BTBD9: variants seen among roughly 807,000 people sequenced by gnomAD.
BTBD9 encodes the protein BTB domain containing 9.
Under a neutral mutation model 64.3 loss-of-function variants are expected in BTBD9, and 49 were observed. The observed-to-expected ratio is 0.76, with a 90% CI of 0.61 to 0.97. BTBD9 has a LOEUF of 0.97. Among genes scored for constraint, BTBD9 ranks in the 50% least tolerant of loss-of-function variants. BTBD9 has a pLI of 0.00. For missense variants in BTBD9, 598 were observed against 762.1 expected (o/e 0.78, Z 2.53); for synonymous variants, 260 against 274.7 (o/e 0.95, Z 0.53).
At chr6:38,425,114 C>T (rs985045459) in intron 6 of BTBD9, among the ~76,000 whole-genome samples, 1 of 107,686 alleles carries the variant, frequency 9.3e-6, no homozygotes, top group Non-Finnish European at 2.0e-5. Context: ...CCGTGCCCGG[C>T]CTTTTTTTTT....
At chr6:38,545,824 C>G (rs867943106) in intron 6 of BTBD9, among the ~76,000 whole-genome samples, 8 of 141,596 alleles carry the variant, frequency 5.6e-5, no homozygotes, top group Admixed American at 4.3e-4. Flanking sequence ...GTGACTAATG[C>G]TTTAATATTT....
At chr6:38,458,784 T>C (rs1358142916) in intron 6 of BTBD9, among the ~76,000 whole-genome samples, 3 of 152,194 alleles carry the variant, frequency 2.0e-5, no homozygotes, top group African/African-American at 7.2e-5. Context: ...AAGTACCACT[T>C]ATATGAATAA....
At chr6:38,389,136 TA>T (rs2127620882) in intron 6 of BTBD9, among the ~76,000 whole-genome samples, 1 of 152,340 alleles carries the variant, frequency 6.6e-6, no homozygotes, top group East Asian at 1.9e-4. Flanking sequence ...AAGAATCTTT[TA>T]AACTTATTTT....
intron 7 of BTBD9, among the ~76,000 whole-genome samples, chr6:38,325,885 A>C (rs1325033368): frequency 6.6e-6 from 1 of 152,224 alleles, no homozygotes; most frequent in Non-Finnish European, 1.5e-5. Context: ...TCATTCATTC[A>C]ACACTTACTG....
intron 9 of BTBD9, among the ~76,000 whole-genome samples, chr6:38,228,347 C>CAA (rs1312495347): frequency 2.9e-5 from 2 of 69,564 alleles, no homozygotes; most frequent in African/African-American, 4.9e-5. Flanking sequence ...CCTGTCCCCC[C>CAA]CCCCAAAAAA....
chr6:38,534,043 T>C (rs535327858), intron 6 of BTBD9, among the ~76,000 whole-genome samples: 1 of 151,020 alleles, frequency 6.6e-6, no homozygotes, highest in Admixed American at 6.6e-5. Flanking sequence ...CAGAAATAAA[T>C]GAAACTGAAA....
intron 1 of BTBD9, among the ~76,000 whole-genome samples, chr6:38,617,564 G>C (rs1477404441): frequency 2.0e-5 from 3 of 152,196 alleles, no homozygotes; most frequent in Non-Finnish European, 2.9e-5. Flanking sequence ...CCCGTCATAG[G>C]GGGTACTATC....
At chr6:38,548,772 T>C (rs1774669405) in intron 6 of BTBD9, among the ~76,000 whole-genome samples, 1 of 152,232 alleles carries the variant, frequency 6.6e-6, no homozygotes, top group Non-Finnish European at 1.5e-5. Context: ...CACAATCTAC[T>C]TTTAAACTGT....
At chr6:38,539,617 T>TA (rs1227205077) in intron 6 of BTBD9, among the ~76,000 whole-genome samples, 3 of 152,200 alleles carry the variant, frequency 2.0e-5, no homozygotes, top group Non-Finnish European at 4.4e-5. Context: ...TATTAATTTT[T>TA]AAAAGAGATT....
chr6:38,463,253 C>A (rs1270322398), intron 6 of BTBD9, among the ~76,000 whole-genome samples: 2 of 152,184 alleles, frequency 1.3e-5, no homozygotes, highest in Non-Finnish European at 2.9e-5. Flanking sequence ...GCTAAATTCA[C>A]TTATTAGTTT....
chr6:38,283,409 A>C (rs1055422029), intron 8 of BTBD9, among the ~76,000 whole-genome samples: 7 of 152,286 alleles, frequency 4.6e-5, no homozygotes, highest in Admixed American at 4.6e-4. Flanking sequence ...GCACTTTGGG[A>C]GGCTAAGTCA....
chr6:38,249,289 C>CG (rs1269747759), intron 9 of BTBD9, among the ~76,000 whole-genome samples: 1 of 152,096 alleles, frequency 6.6e-6, no homozygotes, highest in Non-Finnish European at 1.5e-5. Context: ...GGCTCTTGTT[C>CG]TGTCACCCAG....
intron 6 of BTBD9, among the ~76,000 whole-genome samples, chr6:38,499,846 G>A (rs1335436229): frequency 6.6e-6 from 1 of 152,168 alleles, no homozygotes; most frequent in Non-Finnish European, 1.5e-5. Context: ...TCTTGTTCCT[G>A]CTTTCAAACA....
chr6:38,332,093 T>A (rs1763697704), intron 7 of BTBD9, among the ~76,000 whole-genome samples: 1 of 152,212 alleles, frequency 6.6e-6, no homozygotes, highest in Admixed American at 6.5e-5. Context: ...ATAACTGCTG[T>A]TTATATACAT....
intron 6 of BTBD9, among the ~76,000 whole-genome samples, chr6:38,515,605 C>T (rs553072641): frequency 3.5e-4 from 53 of 152,310 alleles, no homozygotes; most frequent in African/African-American, 1.2e-3. Context: ...TCAATATCCT[C>T]TCTCCATACT....
intron 9 of BTBD9, among the ~76,000 whole-genome samples, chr6:38,236,499 A>G (rs1360161606): frequency 6.6e-6 from 1 of 152,198 alleles, no homozygotes; most frequent in African/African-American, 2.4e-5. Context: ...GGAAAGACTC[A>G]TTTGGATTAC....
intron 6 of BTBD9, among the ~76,000 whole-genome samples, chr6:38,574,316 T>C (rs984510492): frequency 1.3e-5 from 2 of 152,174 alleles, no homozygotes; most frequent in African/African-American, 4.8e-5. Context: ...AATCTTATGT[T>C]ATATATATTT....
At chr6:38,511,178 T>C (rs1255268965) in intron 6 of BTBD9, among the ~76,000 whole-genome samples, 3 of 152,100 alleles carry the variant, frequency 2.0e-5, no homozygotes, top group Admixed American at 1.3e-4. Context: ...CAGCACATAA[T>C]TGTTACTGTT....
intron 6 of BTBD9, among the ~76,000 whole-genome samples, chr6:38,432,475 G>A (rs917986499): frequency 2.6e-5 from 4 of 151,884 alleles, no homozygotes; most frequent in African/African-American, 7.3e-5. Flanking sequence ...ACAAGATTGG[G>A]ATTATGGGAG....
Sources: allele counts gnomAD v4.1 joint callset (sites outside exome capture counted in the v4.1 genomes callset), GRCh38; gene constraint gnomAD v4.1.1; transcripts MANE v1.5; gene names NCBI Gene and HGNC (gene_info 2026-07-23, HGNC 2026-07-21).